The following NELL1 variants were observed in gnomAD, a reference collection of about 807,000 sequenced individuals.
NELL1 encodes the protein protein kinase C-binding protein NELL1.
NELL1 carries 76 observed loss-of-function variants against 107.4 expected under a neutral mutation model. That is an observed-to-expected ratio of 0.71 (90% CI 0.59 to 0.86). The LOEUF is 0.86. Among genes scored for constraint, NELL1 ranks in the 40% least tolerant of loss-of-function variants. NELL1 has a pLI of 0.00. For missense variants in NELL1, 1,024 were observed against 1,005.5 expected (o/e 1.02, Z -0.25); for synonymous variants, 353 against 341.2 (o/e 1.03, Z -0.38).
chr11:21,314,397 A>C (rs759921912), intron 14 of NELL1, among the ~76,000 whole-genome samples: 1 of 152,182 alleles, frequency 6.6e-6, no homozygotes. Context: ...CTTGCTCTTC[A>C]TCTGTGAAAT....
intron 5 of NELL1, among the ~76,000 whole-genome samples, chr11:20,902,527 CTT>C (rs1426652303): frequency 6.6e-6 from 1 of 152,026 alleles, no homozygotes; most frequent in Non-Finnish European, 1.5e-5. Context: ...GTGTTGGAAA[CTT>C]GAATTGGTGG....
chr11:20,913,905 C>T (rs1850189342), intron 5 of NELL1, among the ~76,000 whole-genome samples: 3 of 151,922 alleles, frequency 2.0e-5, no homozygotes, highest in Admixed American at 2.0e-4. Flanking sequence ...TTTTCTAGCA[C>T]TGAAAAACTG....
intron 12 of NELL1, among the ~76,000 whole-genome samples, chr11:21,072,634 C>T (rs1022096857): frequency 6.6e-6 from 1 of 152,072 alleles, no homozygotes; most frequent in Non-Finnish European, 1.5e-5. Flanking sequence ...CAAAACCCAG[C>T]ATATAAAGCT....
intron 14 of NELL1, among the ~76,000 whole-genome samples, chr11:21,311,445 A>G (rs1342255190): frequency 1.3e-5 from 2 of 152,080 alleles, no homozygotes; most frequent in Admixed American, 6.6e-5. Context: ...AGGCATATGT[A>G]TTTTGGGAAC....
chr11:20,846,921 T>A (rs1405532367), intron 3 of NELL1, among the ~76,000 whole-genome samples: 1 of 152,132 alleles, frequency 6.6e-6, no homozygotes, highest in African/African-American at 2.4e-5. Flanking sequence ...CAGACCACAG[T>A]GGTAAGGCTA....
chr11:20,673,370 T>G (rs1004446012), intron 1 of NELL1, among the ~76,000 whole-genome samples: 1 of 152,154 alleles, frequency 6.6e-6, no homozygotes, highest in Non-Finnish European at 1.5e-5. Flanking sequence ...ATTAAGTGGT[T>G]GTGAAATTCT....
At chr11:20,780,533 C>T (rs182827305) in intron 2 of NELL1, among the ~76,000 whole-genome samples, 2 of 152,144 alleles carry the variant, frequency 1.3e-5, no homozygotes, top group East Asian at 3.9e-4. Context: ...GTATGCCTGC[C>T]CTCATGGAAC....
chr11:20,993,617 G>C (rs117411367), intron 12 of NELL1, among the ~76,000 whole-genome samples: 219 of 152,208 alleles, frequency 1.4e-3, no homozygotes, highest in Non-Finnish European at 2.5e-3. Context: ...ACATAAAATG[G>C]ATAGTATTTG....
chr11:21,278,627 A>T (rs975423112), intron 14 of NELL1, among the ~76,000 whole-genome samples: 3 of 151,518 alleles, frequency 2.0e-5, no homozygotes, highest in Admixed American at 6.6e-5. Context: ...AACTCAGTTT[A>T]AAAAAAATCA....
chr11:21,260,523 T>A (rs1009956427), intron 14 of NELL1: 1 of 151,918 alleles, frequency 6.6e-6, no homozygotes, highest in Admixed American at 6.6e-5. Context: ...GGAACATTCA[T>A]CTTCATTTGA....
At chr11:20,789,239 T>C (rs973764654) in intron 3 of NELL1, among the ~76,000 whole-genome samples, 12 of 152,130 alleles carry the variant, frequency 7.9e-5, no homozygotes, top group Non-Finnish European at 1.8e-4. Flanking sequence ...CCAAGGGAGA[T>C]GGGAGTCAGG....
intron 2 of NELL1, among the ~76,000 whole-genome samples, chr11:20,691,636 A>G (rs943970029): frequency 1.1e-4 from 16 of 152,006 alleles, no homozygotes; most frequent in African/African-American, 3.4e-4. Context: ...GATGAAGCCA[A>G]CTTGATCATG....
chr11:21,142,142 A>G (rs560232044), intron 13 of NELL1, among the ~76,000 whole-genome samples: 82 of 152,258 alleles, frequency 5.4e-4, no homozygotes, highest in African/African-American at 1.8e-3. Flanking sequence ...TCTGAAACCA[A>G]ATTTCAGACC....
chr11:20,788,704 T>A (rs576614492), intron 3 of NELL1, among the ~76,000 whole-genome samples: 9 of 152,238 alleles, frequency 5.9e-5, no homozygotes, highest in African/African-American at 2.2e-4. Flanking sequence ...TGTCCAATTT[T>A]TTTTTATTTT....
At chr11:20,843,113 A>C (rs561615914) in intron 3 of NELL1, among the ~76,000 whole-genome samples, 5 of 152,106 alleles carry the variant, frequency 3.3e-5, no homozygotes, top group South Asian at 2.1e-4. Context: ...CTCTCTCTCT[A>C]TATGTGGTGG....
chr11:20,996,603 G>C (rs987916423), intron 12 of NELL1, among the ~76,000 whole-genome samples: 19 of 152,076 alleles, frequency 1.2e-4, no homozygotes, highest in African/African-American at 4.6e-4. Flanking sequence ...CTCATGGTGG[G>C]GATGGGAAAC....
intron 7 of NELL1, chr11:20,926,969 A>T: frequency 5.0e-6 from 1 of 199,326 alleles, no homozygotes; most frequent in Non-Finnish European, 1.0e-5. Flanking sequence ...TGTAAACATC[A>T]TAATGAGTCC....
intron 3 of NELL1, among the ~76,000 whole-genome samples, chr11:20,791,901 T>C (rs1285840056): frequency 6.6e-6 from 1 of 152,104 alleles, no homozygotes; most frequent in African/African-American, 2.4e-5. Context: ...TCTGTTGATG[T>C]AGTGTATTAT....
At chr11:21,115,655 G>A (rs935355254) in intron 13 of NELL1, among the ~76,000 whole-genome samples, 5 of 151,754 alleles carry the variant, frequency 3.3e-5, no homozygotes, top group African/African-American at 1.2e-4. Context: ...CACCCTGAAT[G>A]CCTCATGAGA....
Sources: allele counts gnomAD v4.1 joint callset (sites outside exome capture counted in the v4.1 genomes callset), GRCh38; gene constraint gnomAD v4.1.1; transcripts MANE v1.5; gene names NCBI Gene and HGNC (gene_info 2026-07-23, HGNC 2026-07-21).